The following UBR1 variants were observed in gnomAD, a reference collection of about 807,000 sequenced individuals.
UBR1 encodes E3 ubiquitin-protein ligase UBR1.
A neutral mutation model predicts 242.1 loss-of-function variants in UBR1; 102 were observed. The observed-to-expected ratio is 0.42, with a 90% CI of 0.36 to 0.50. The LOEUF (loss-of-function observed/expected upper bound fraction) is 0.50, where lower values mean the gene tolerates loss of function less well. Ranked by LOEUF, UBR1 falls within the 20% of genes least tolerant of loss-of-function variation. UBR1 has a pLI of 0.01. For synonymous variants in UBR1, 675 were observed against 684.8 expected, an observed-to-expected ratio of 0.99 and a Z score of 0.22; for missense variants, 1,772 against 2,101.8, an observed-to-expected ratio of 0.84 and a Z score of 3.07.
chr15:42,962,133 T>TC (rs35735714), intron 42 of UBR1, among the ~76,000 whole-genome samples: 129,825 of 151,976 alleles, frequency 0.85, 55,567 homozygotes, highest in Non-Finnish European at 0.89. Context: ...TAATTATTTT[T>TC]CTTCTCTTAT....
chr15:42,957,045 T>C (rs1249015845), intron 44 of UBR1, among the ~76,000 whole-genome samples: 1 of 152,194 alleles, frequency 6.6e-6, no homozygotes, highest in Non-Finnish European at 1.5e-5. Context: ...ATGAAAACTT[T>C]ATGTCCACAA....
chr15:42,946,415 C>G (rs889967713), intron 46 of UBR1, among the ~76,000 whole-genome samples: 2 of 151,956 alleles, frequency 1.3e-5, no homozygotes, highest in African/African-American at 4.8e-5. Flanking sequence ...CGTGAACCAC[C>G]GCGGCCGCCT....
chr15:42,972,027 A>G (rs559016906), intron 39 of UBR1, among the ~76,000 whole-genome samples: 13 of 152,196 alleles, frequency 8.5e-5, no homozygotes, highest in African/African-American at 3.1e-4. Context: ...CACCATTATC[A>G]CCCAAAGTCC....
intron 6 of UBR1, among the ~76,000 whole-genome samples, chr15:43,065,541 T>C (rs2033741797): frequency 6.6e-6 from 1 of 152,124 alleles, no homozygotes; most frequent in Non-Finnish European, 1.5e-5. Flanking sequence ...CCAGAGTGTG[T>C]TGTTCCCCAC....
chr15:42,976,170 T>C (rs573669200), intron 39 of UBR1, among the ~76,000 whole-genome samples: 1 of 152,336 alleles, frequency 6.6e-6, no homozygotes, highest in African/African-American at 2.4e-5. Flanking sequence ...TACCAGATAC[T>C]TGCAGTTTTA....
chr15:43,103,232 G>A (rs997496034), intron 1 of UBR1, among the ~76,000 whole-genome samples: 3 of 152,178 alleles, frequency 2.0e-5, no homozygotes, highest in African/African-American at 7.2e-5. Context: ...TCGGCATGGT[G>A]GCACATGCCT....
Position 42,981,736 on chromosome 15 carries a change from G to A in UBR1, c.4150+2161C>T, listed in dbSNP as rs552139984. 2.4e-3 allele frequency among the ~76,000 whole-genome samples: 368 copies of A among 152,066 alleles called. 1 individual carries two copies. The highest frequency in any genetic ancestry group is 9.5e-3 in the South Asian group (46 of 4,818). ...CGACCTCCTGACCTCGTGATCCGCC[G>A]CACCCAGCCACTTGTCTCAATATTT... On this transcript the variant is annotated intron_variant, in intron 37 of 46. Transcript: ENST00000290650.
At chr15:42,964,465 G>T (rs866299306) in intron 41 of UBR1, among the ~76,000 whole-genome samples, 1 of 151,534 alleles carries the variant, frequency 6.6e-6, no homozygotes, top group East Asian at 1.9e-4. Flanking sequence ...GCGAAACTCC[G>T]TCTCAAAAAA....
At chr15:43,024,600 C>A (rs1282651042) in intron 25 of UBR1, among the ~76,000 whole-genome samples, 1 of 152,038 alleles carries the variant, frequency 6.6e-6, no homozygotes, top group East Asian at 1.9e-4. Context: ...ATAAGTACAC[C>A]TGTTTTTGTT....
intron 14 of UBR1, among the ~76,000 whole-genome samples, chr15:43,045,995 C>T (rs1197629993): frequency 6.6e-6 from 1 of 152,154 alleles, no homozygotes; most frequent in East Asian, 1.9e-4. Context: ...AATTTGGTTA[C>T]CAAATGGATC....
At position 42,945,439 on chromosome 15, in the gene UBR1, G is replaced by A. The variant is rs777158316; in HGVS notation, c.5140C>T (p.Arg1714Trp). The A allele has an allele frequency of 4.3e-6, 7 of 1,614,008 alleles. No homozygotes were observed. Among genetic ancestry groups the A allele is most frequent in the Admixed American group, 3.3e-5 (2 of 60,008 alleles). The change falls in exon 47 of 47, where the codon CGG becomes TGG. Residue 1714 changes from arginine (R) to tryptophan (W), a missense_variant. By Grantham distance (101) the Arg-to-Trp change is moderately radical (BLOSUM62 -3). This residue lies in a region of UBR1 where 965 missense variants were observed against 1,079.7 expected (regional missense o/e 0.89). Coordinates refer to ENST00000290650, the MANE Select transcript of UBR1 (RefSeq NM_174916.3). The part of the protein sequence containing the change: ...RGNPLHLSRE[R>W]YRKLHLVWQQ... ...CAGACCAAATGGAGCTTCCGATACCGCTCACGAGATAAATGAAGGGGGTTG... is the reference window on the plus strand; with the variant it reads ...CAGACCAAATGGAGCTTCCGATACCACTCACGAGATAAATGAAGGGGGTTG...
intron 40 of UBR1, among the ~76,000 whole-genome samples, chr15:42,967,151 C>T (rs377257033): frequency 2.7e-5 from 4 of 149,588 alleles, no homozygotes; most frequent in Admixed American, 6.7e-5. Context: ...CTCCTGACCT[C>T]GGGTGATCCG....
chr15:43,003,510 C>A, intron 31 of UBR1: 1 of 353,678 alleles, frequency 2.8e-6, no homozygotes, highest in Non-Finnish European at 5.5e-6. Context: ...CCTGCCTCGG[C>A]CTCCCGAAGT....
intron 40 of UBR1, among the ~76,000 whole-genome samples, chr15:42,969,328 C>G (rs896190128): frequency 3.9e-5 from 6 of 152,276 alleles, no homozygotes; most frequent in Admixed American, 3.3e-4. Flanking sequence ...TGAAAAGTGT[C>G]TGTTCATATC....
At chr15:43,045,174 TG>T (rs2033468685) in intron 14 of UBR1, among the ~76,000 whole-genome samples, 1 of 152,168 alleles carries the variant, frequency 6.6e-6, no homozygotes, top group African/African-American at 2.4e-5. Flanking sequence ...ATTTTGAGTT[TG>T]AGGCCAGGTG....
chr15:42,950,819 G>A lies in UBR1; in HGVS notation c.5007-456C>T, dbSNP rs549012162. On this transcript the variant is annotated intron_variant, in intron 45 of 46. Coordinates refer to ENST00000290650, the MANE Select transcript of UBR1 (RefSeq NM_174916.3). ...ATGCCAGCTTTTCTGGTTAGAGCTGGCCTGAAACACTGCAGATTAAAAGAG... is the reference window on the plus strand; with the variant it reads ...ATGCCAGCTTTTCTGGTTAGAGCTGACCTGAAACACTGCAGATTAAAAGAG... Among the ~76,000 whole-genome samples the A allele has an allele frequency of 2.0e-5, 3 of 152,284 alleles. No individual in the cohort carries two copies. The South Asian group carries it at 6.2e-4, about 32-fold the overall frequency.
intron 13 of UBR1, 52 bp downstream of exon 13, chr15:43,048,340 T>C: frequency 6.9e-7 from 1 of 1,439,918 alleles, no homozygotes; most frequent in South Asian, 1.2e-5. Context: ...AGACTGCGGT[T>C]CAATTTTTAA....
intron 2 of UBR1, among the ~76,000 whole-genome samples, chr15:43,085,497 G>A (rs977132317): frequency 2.6e-5 from 4 of 151,406 alleles, no homozygotes; most frequent in South Asian, 2.1e-4. Context: ...AAACTATAAC[G>A]GTATAATAAA....
At chr15:42,950,853 A>G (rs565521421) in intron 45 of UBR1, among the ~76,000 whole-genome samples, 98 of 152,290 alleles carry the variant, frequency 6.4e-4, no homozygotes, top group African/African-American at 2.3e-3. Context: ...AGCCACTACC[A>G]CCCTGAAGGC....
Sources: allele counts gnomAD v4.1 joint callset (sites outside exome capture counted in the v4.1 genomes callset), GRCh38; gene constraint gnomAD v4.1.1; regional missense constraint gnomAD v4.1.1; transcripts MANE v1.5; gene names NCBI Gene and HGNC (gene_info 2026-07-23, HGNC 2026-07-21).